Variants in MYH15 observed in about 807,000 individuals in gnomAD.
MYH15 encodes the protein myosin-15.
A neutral mutation model predicts 240.5 loss-of-function variants in MYH15; 227 were observed. The ratio of observed to expected loss-of-function variants is 0.94; its 90% CI spans 0.85 to 1.05. MYH15 has a LOEUF of 1.05. MYH15 is among the 50% of genes least tolerant of loss of function. MYH15 has a pLI of 0.00. For missense variants in MYH15, 2,217 were observed against 2,247.5 expected (o/e 0.99, Z 0.27); for synonymous variants, 785 against 796.7 (o/e 0.99, Z 0.25).
intron 1 of MYH15, among the ~76,000 whole-genome samples, chr3:108,521,301 T>C (rs1240746180): frequency 2.6e-5 from 4 of 152,122 alleles, no homozygotes; most frequent in Non-Finnish European, 5.9e-5. Flanking sequence ...TGAATTACTT[T>C]CTTAGGACTT....
chr3:108,482,736 A>AT (rs1031098094), intron 11 of MYH15, among the ~76,000 whole-genome samples: 1 of 151,914 alleles, frequency 6.6e-6, no homozygotes, highest in African/African-American at 2.4e-5. Context: ...ATTATTCCTT[A>AT]TTTTTTTAAC....
At chr3:108,520,525 GTTGAACC>G (rs2083609966) in intron 1 of MYH15, among the ~76,000 whole-genome samples, 1 of 152,154 alleles carries the variant, frequency 6.6e-6, no homozygotes, top group South Asian at 2.1e-4. Flanking sequence ...TTTTTAAGAA[GTTGAACC>G]CTTGGATCTG....
chr3:108,416,356 T>C (rs1268502640), intron 29 of MYH15, among the ~76,000 whole-genome samples: 2 of 152,224 alleles, frequency 1.3e-5, no homozygotes, highest in Admixed American at 6.5e-5. Flanking sequence ...TATGCTTTCA[T>C]CTTCCAGAAT....
chr3:108,536,380 A>G, the MYH15 span, among the ~76,000 whole-genome samples: 4,947 of 152,334 alleles, frequency 0.032, 251 homozygotes, highest in African/African-American at 0.11. Flanking sequence ...CAGTTGTTCA[A>G]GAACATCACT....
chr3:108,502,136 C>T (rs1329216425), intron 2 of MYH15, among the ~76,000 whole-genome samples: 3 of 152,116 alleles, frequency 2.0e-5, no homozygotes, highest in African/African-American at 7.2e-5. Context: ...AGCCCTGATT[C>T]CCTCTAAGAG....
At chr3:108,389,195 G>C in intron 37 of MYH15, 121 bp from the exon 38 acceptor site, 1 of 799,370 alleles carries the variant, frequency 1.3e-6, no homozygotes, top group Non-Finnish European at 2.0e-6. Flanking sequence ...CACTGTTTTT[G>C]GTGCTTAAAC....
Position 108,444,251 on chromosome 3 carries a change from C to T in MYH15, c.2655+389G>A, listed in dbSNP as rs183843757. 7.2e-5 allele frequency among the ~76,000 whole-genome samples: 11 copies of T among 151,940 alleles called. No homozygotes were observed. In the South Asian group the frequency reaches 1.7e-3, roughly 23 times the overall value. ...GCAGGGAGACCAAAATCAGGATATCCGACTAGAAGCACACTGCAGCATTCC... is the reference window on the plus strand; with the variant it reads ...GCAGGGAGACCAAAATCAGGATATCTGACTAGAAGCACACTGCAGCATTCC... On this transcript the variant is annotated intron_variant, in intron 22 of 40. Coordinates refer to ENST00000693548, the MANE Select transcript of MYH15 (RefSeq NM_014981.3).
At chr3:108,471,538 C>T (rs1170712749) in intron 12 of MYH15, among the ~76,000 whole-genome samples, 2 of 152,126 alleles carry the variant, frequency 1.3e-5, no homozygotes, top group Non-Finnish European at 2.9e-5. Context: ...AATCACTCAC[C>T]CTTGATCTCT....
At chr3:108,526,617 G>A (rs1271333067) in intron 1 of MYH15, among the ~76,000 whole-genome samples, 4 of 152,144 alleles carry the variant, frequency 2.6e-5, no homozygotes, top group South Asian at 2.1e-4. Flanking sequence ...ATTGCATTCA[G>A]ATGTTTTCCA....
At chr3:108,470,625 T>TC in intron 13 of MYH15, 73 bp downstream of exon 13, 1 of 1,519,400 alleles carries the variant, frequency 6.6e-7, no homozygotes, top group Non-Finnish European at 9.0e-7. Context: ...GACCATATTT[T>TC]CCCATCTTCA....
chr3:108,508,945 T>C (rs1214448025), intron 1 of MYH15, among the ~76,000 whole-genome samples: 2 of 152,098 alleles, frequency 1.3e-5, no homozygotes, highest in Non-Finnish European at 2.9e-5. Flanking sequence ...CCCACAGCAA[T>C]GGAGGAAGGC....
upstream of MYH15, among the ~76,000 whole-genome samples, chr3:108,533,222 A>G (rs2083723892): frequency 6.6e-6 from 1 of 150,904 alleles, no homozygotes; most frequent in South Asian, 2.1e-4. Flanking sequence ...AGGTCCCAAC[A>G]GAATGCAGTA....
intron 21 of MYH15, among the ~76,000 whole-genome samples, chr3:108,451,139 G>T (rs1035544183): frequency 6.6e-6 from 1 of 152,184 alleles, no homozygotes; most frequent in Admixed American, 6.5e-5. Flanking sequence ...CAACACTTTG[G>T]GAGGCCAAGG....
At chr3:108,401,053 A>G (rs2082500385) in intron 33 of MYH15, among the ~76,000 whole-genome samples, 1 of 152,112 alleles carries the variant, frequency 6.6e-6, no homozygotes, top group African/African-American at 2.4e-5. Context: ...TTGGTATCTC[A>G]TGCCTGTCCT....
upstream of MYH15, among the ~76,000 whole-genome samples, chr3:108,511,120 G>C (rs183864353): frequency 6.6e-6 from 1 of 152,012 alleles, no homozygotes; most frequent in Non-Finnish European, 1.5e-5. Flanking sequence ...TTTGATAGGC[G>C]TGGAGGGGGG....
chr3:108,501,595 CA>C, intron 3 of MYH15, 116 bp downstream of exon 3: 1 of 1,338,882 alleles, frequency 7.5e-7, no homozygotes, highest in Non-Finnish European at 1.0e-6. Flanking sequence ...AGACATTGCT[CA>C]AGGACTATCC....
chr3:108,473,443 A>T (rs903930060), intron 12 of MYH15, among the ~76,000 whole-genome samples: 3 of 152,214 alleles, frequency 2.0e-5, no homozygotes, highest in Non-Finnish European at 2.9e-5. Context: ...GACGCTTAGT[A>T]TCCAATAAAT....
At chr3:108,397,682 A>C (rs2082472331) in intron 35 of MYH15, among the ~76,000 whole-genome samples, 1 of 152,218 alleles carries the variant, frequency 6.6e-6, no homozygotes, top group African/African-American at 2.4e-5. Flanking sequence ...GAAGGATCTA[A>C]GAATTCTTGC....
At chr3:108,541,251 AT>A in the MYH15 span, among the ~76,000 whole-genome samples, 1 of 151,978 alleles carries the variant, frequency 6.6e-6, no homozygotes, top group East Asian at 1.9e-4. Flanking sequence ...AAATTCTCAA[AT>A]AAATATGAGA....
Sources: gnomAD v4.1 joint callset for allele counts (sites outside exome capture counted in the v4.1 genomes callset) on GRCh38, gnomAD v4.1.1 for gene constraint, MANE v1.5 for transcripts, NCBI Gene and HGNC (gene_info 2026-07-23, HGNC 2026-07-21) for gene names.